OFD1: variants seen among roughly 807,000 people sequenced by gnomAD.
OFD1 encodes centriole and centriolar satellite protein OFD1.
A neutral mutation model predicts 81.4 loss-of-function variants in OFD1; 12 were observed. The observed-to-expected ratio is 0.15, with a 90% confidence interval of 0.09 to 0.24. The LOEUF (loss-of-function observed/expected upper bound fraction) is 0.24. OFD1 is among the 10% of genes least tolerant of loss of function. The pLI is 1.00. For synonymous variants in OFD1, 256 were observed against 263.7 expected, an observed-to-expected ratio of 0.97 and a Z score of 0.28; for missense variants, 685 against 733.9, an observed-to-expected ratio of 0.93 and a Z score of 0.77.
At chrX:13,744,132 T>C (rs1294862126) in intron 5 of OFD1, among the ~76,000 whole-genome samples, 1 of 110,808 alleles carries the variant, frequency 9.0e-6, no homozygotes, top group Non-Finnish European at 1.9e-5. Context: ...ATACAAAAAG[T>C]AAAATTAGCT....
In OFD1 at chrX:13,736,512, T is replaced by C. The variant is rs754128112; in HGVS notation, c.146T>C (p.Met49Thr). ...CGAAACCAGCTAATTCATGAGTTGATGCACCCTGTATTGAGTGGAGAACTG... is the reference window on the plus strand; with the variant it reads ...CGAAACCAGCTAATTCATGAGTTGACGCACCCTGTATTGAGTGGAGAACTG... The part of the protein sequence containing the change: ...QLRNQLIHEL[M>T]HPVLSGELQP... The change falls in exon 3 of 23, where the codon ATG becomes ACG. Residue 49 changes from methionine to threonine, a missense_variant. Coordinates refer to ENST00000340096, the MANE Select transcript of OFD1 (RefSeq NM_003611.3). 1 of 1,211,731 alleles carries C rather than the reference T, an allele frequency of 8.3e-7. No homozygotes were observed.
chrX:13,761,039 C>T (rs753697595), intron 16 of OFD1, 46 bp from the exon 17 acceptor site: 1 of 1,206,420 alleles, frequency 8.3e-7, no homozygotes, highest in Non-Finnish European at 1.1e-6. Context: ...GGTATCTTCT[C>T]CGTGCAATTG....
upstream of OFD1, among the ~76,000 whole-genome samples, chrX:13,731,190 G>T (rs1479872276): frequency 1.8e-5 from 2 of 112,231 alleles, no homozygotes; most frequent in East Asian, 5.6e-4. Context: ...TTGAGAAATT[G>T]CAAGAAAAAT....
the OFD1 span, among the ~76,000 whole-genome samples, chrX:13,725,352 C>T: frequency 8.9e-6 from 1 of 112,156 alleles, no homozygotes; most frequent in Non-Finnish European, 1.9e-5. Context: ...CAGTAGGGGC[C>T]GACAGACACC....
chrX:13,757,478 T>C (rs913356966), intron 13 of OFD1, among the ~76,000 whole-genome samples, 182 bp from the exon 14 acceptor site: 3 of 112,103 alleles, frequency 2.7e-5, no homozygotes, highest in Non-Finnish European at 1.9e-5. Context: ...CTAAATTCTT[T>C]TGTTGTGAAA....
chrX:13,725,216 T>C, the OFD1 span, among the ~76,000 whole-genome samples: 1 of 112,890 alleles, frequency 8.9e-6, no homozygotes, highest in African/African-American at 3.2e-5. Context: ...GACTTAAACA[T>C]CCCTGTCTGA....
At chrX:13,722,959 A>T in the OFD1 span, among the ~76,000 whole-genome samples, 1 of 110,128 alleles carries the variant, frequency 9.1e-6, no homozygotes, top group Non-Finnish European at 1.9e-5. Context: ...GCTACTCGGG[A>T]GGCTGAGGCA....
intron 3 of OFD1, among the ~76,000 whole-genome samples, chrX:13,736,913 C>T (rs1319495131): frequency 8.9e-6 from 1 of 112,450 alleles, no homozygotes; most frequent in Non-Finnish European, 1.9e-5. Flanking sequence ...TGTATAGAAT[C>T]TCTAAATGTT....
At chrX:13,759,863 C>A (rs989838575) in intron 15 of OFD1, among the ~76,000 whole-genome samples, 1 of 111,944 alleles carries the variant, frequency 8.9e-6, no homozygotes, top group African/African-American at 3.3e-5. Context: ...TTCTCAGAGC[C>A]TTGTGGCTTT....
At chrX:13,716,114 T>C in the OFD1 span, 1 of 1,167,280 alleles carries the variant, frequency 8.6e-7, no homozygotes, top group Non-Finnish European at 1.2e-6. Context: ...GCATAATCTT[T>C]CTTAGAAATG....
In OFD1 at chrX:13,761,257, C is replaced by G. The variant is rs774696600; in HGVS notation, c.2387+46C>G. 1.7e-5 allele frequency: 20 copies of G among 1,174,227 alleles called. 1 individual carries two copies. The South Asian group carries it at 3.7e-4, about 21-fold the overall frequency. ...GATTAGCTTCAGCTGAATAATGTTA[C>G]TTGCTCTGTCAGCCTTCACTTGTTT... On this transcript the variant is annotated intron_variant, in intron 17 of 22. Coordinates refer to ENST00000340096, the MANE Select transcript of OFD1 (RefSeq NM_003611.3).
chrX:13,767,937 T>C, intron 20 of OFD1, 117 bp from the exon 21 acceptor site: 1 of 684,421 alleles, frequency 1.5e-6, no homozygotes, highest in African/African-American at 2.2e-5. Flanking sequence ...TAAAAATTAG[T>C]CCTCTGGCAT....
In OFD1 at chrX:13,736,695, T is replaced by C; in HGVS notation, c.312+17T>C. On this transcript the variant is annotated intron_variant, in intron 3 of 22. Transcript: ENST00000340096. Reference sequence around the variant, plus strand: ...AAAGAAAAGGTAAAGTCTTTCCTTTTCTGTTTCTGAAGTTTTTATTAACAG... The same window carrying C: ...AAAGAAAAGGTAAAGTCTTTCCTTTCCTGTTTCTGAAGTTTTTATTAACAG... 8.6e-7 allele frequency: 1 copy of C among 1,165,941 alleles called. No homozygotes were observed. The highest frequency in any genetic ancestry group is 1.2e-6 in the Non-Finnish European group (1 of 854,218).
At position 13,738,823 on chromosome X, in the gene OFD1, T is replaced by G. The variant is rs201134838; in HGVS notation, c.313-23T>G. ...AACACTGATATAAAAATATGTCTAC[T>G]TAGTAACCTATTTTTTCTTAAGGTA... is the stretch of plus-strand genomic sequence containing the variant. On this transcript the variant is annotated intron_variant, in intron 3 of 22. Transcript: ENST00000340096. The G allele has an allele frequency of 5.2e-5, 49 of 937,091 alleles. No individual in the cohort carries two copies. In the East Asian group the frequency reaches 1.4e-3, roughly 28 times the overall value. 77.2% of individuals were successfully genotyped at this position (937,091 alleles called of 1,213,427 possible).
At chrX:13,736,362 TAGAA>T (rs1366184443) in intron 2 of OFD1, 112 bp from the exon 3 acceptor site, 135 of 1,094,940 alleles carry the variant, frequency 1.2e-4, no homozygotes, top group Non-Finnish European at 8.9e-5. Flanking sequence ...ATTATGGAAA[TAGAA>T]GGAAGGTTTC....
chrX:13,771,605 A>T (rs2048300229), downstream of OFD1: 1 of 112,054 alleles, frequency 8.9e-6, no homozygotes, highest in African/African-American at 3.2e-5. Context: ...TTAACCCTAT[A>T]GTAAGCAGCC....
At chrX:13,723,210 A>G in the OFD1 span, among the ~76,000 whole-genome samples, 2 of 111,840 alleles carry the variant, frequency 1.8e-5, no homozygotes, top group African/African-American at 6.5e-5. Context: ...CTCTAGATCA[A>G]TGATTCCAAA....
At chrX:13,772,970 G>C (rs201197257), downstream of OFD1, 55 of 1,207,097 alleles carry the variant, frequency 4.6e-5, no homozygotes, top group Non-Finnish European at 5.4e-5. Context: ...TGGTAAGCCT[G>C]CATTTTGCTC....
At chrX:13,719,511 A>G in the OFD1 span, among the ~76,000 whole-genome samples, 10 of 112,022 alleles carry the variant, frequency 8.9e-5, 1 homozygote, top group South Asian at 3.7e-3. Flanking sequence ...TTTCTAACCC[A>G]GTAGGTCCTG....
Sources: allele counts gnomAD v4.1 joint callset (sites outside exome capture counted in the v4.1 genomes callset), GRCh38; gene constraint gnomAD v4.1.1; transcripts MANE v1.5; gene names NCBI Gene and HGNC (gene_info 2026-07-23, HGNC 2026-07-21).